Variants in ZMAT4 observed in about 807,000 individuals in gnomAD.
The protein encoded by ZMAT4 is zinc finger matrin-type protein 4.
Under a neutral mutation model 28.7 loss-of-function variants are expected in ZMAT4, and 17 were observed. That is an observed-to-expected ratio of 0.59 (90% CI 0.41 to 0.89). ZMAT4 has a LOEUF of 0.89. Ranked by LOEUF, ZMAT4 falls within the 40% of genes least tolerant of loss-of-function variation. The pLI, the probability that ZMAT4 is intolerant of heterozygous loss-of-function variation, is 0.00. For synonymous variants in ZMAT4, 117 were observed against 109.2 expected, an observed-to-expected ratio of 1.07 and a Z score of -0.44; for missense variants, 240 against 283.8, an observed-to-expected ratio of 0.85 and a Z score of 1.11.
chr8:40,581,523 C>T (rs1804464619), intron 5 of ZMAT4, among the ~76,000 whole-genome samples: 1 of 152,106 alleles, frequency 6.6e-6, no homozygotes, highest in Non-Finnish European at 1.5e-5. Flanking sequence ...GTAAGGTGTT[C>T]CTGGGCATTT....
intron 5 of ZMAT4, among the ~76,000 whole-genome samples, chr8:40,629,406 T>TA (rs71224839): frequency 2.0e-5 from 3 of 151,870 alleles, no homozygotes; most frequent in African/African-American, 4.8e-5. Flanking sequence ...GTTTTTTTTT[T>TA]AATTTTATTA....
intron 3 of ZMAT4, among the ~76,000 whole-genome samples, chr8:40,697,874 G>A (rs936273064): frequency 1.6e-4 from 24 of 152,060 alleles, no homozygotes; most frequent in East Asian, 7.7e-4. Context: ...AAATAAAAAC[G>A]GGGCCCACAA....
Position 40,609,285 on chromosome 8 carries a change from T to C in ZMAT4, c.578-28024A>G, listed in dbSNP as rs558364110. ...AGTATGGGAAAAAGTCTCTGAATGA[T>C]TACTCTTGATGTCTGTACTTGTGTC... On this transcript the variant is annotated intron_variant, in intron 5 of 6. Transcript: ENST00000297737. Among the ~76,000 whole-genome samples the C allele has an allele frequency of 2.6e-5, 4 of 152,340 alleles. No individual in the cohort carries two copies. The South Asian group carries it at 8.3e-4, about 32-fold the overall frequency.
intron 3 of ZMAT4, among the ~76,000 whole-genome samples, chr8:40,746,272 C>T (rs1220880652): frequency 1.0e-4 from 9 of 90,364 alleles, no homozygotes; most frequent in Non-Finnish European, 1.4e-4. Context: ...TCCCTTCCTT[C>T]CTTTCTTTCT....
At position 40,754,691 on chromosome 8, in the gene ZMAT4, G is replaced by A. The variant is rs150333501; in HGVS notation, c.192+12950C>T. Among the ~76,000 whole-genome samples the A allele has an allele frequency of 9.9e-5, 15 of 151,988 alleles. No homozygotes were observed. The East Asian group carries it at 2.5e-3, about 26-fold the overall frequency. On this transcript the variant is annotated intron_variant, in intron 3 of 6. Transcript: ENST00000297737. ...TGTCCTAGAAGACTCAGGAATTTGG[G>A]TTACCATAATTTGGCTTGGAGGACA...
At chr8:40,736,659 C>A (rs1361510642) in intron 3 of ZMAT4, among the ~76,000 whole-genome samples, 1 of 152,146 alleles carries the variant, frequency 6.6e-6, no homozygotes, top group Non-Finnish European at 1.5e-5. Context: ...GGGAGGCAGT[C>A]CACAAGAATA....
intron 4 of ZMAT4, among the ~76,000 whole-genome samples, chr8:40,681,435 C>A (rs956807665): frequency 6.6e-6 from 1 of 152,152 alleles, no homozygotes; most frequent in Non-Finnish European, 1.5e-5. Context: ...CAGCAAATAT[C>A]ACTGTTTTTT....
chr8:40,580,498 A>T (rs1487824314), intron 6 of ZMAT4, among the ~76,000 whole-genome samples: 1 of 152,198 alleles, frequency 6.6e-6, no homozygotes, highest in Non-Finnish European at 1.5e-5. Context: ...ACTTTTTGAG[A>T]CATTCTTTGC....
At chr8:40,649,824 T>C (rs919925945) in intron 5 of ZMAT4, among the ~76,000 whole-genome samples, 8 of 152,000 alleles carry the variant, frequency 5.3e-5, no homozygotes, top group Non-Finnish European at 5.9e-5. Flanking sequence ...CCTGAATGAC[T>C]ACTGGGTACA....
chr8:40,811,544 G>A (rs1378272645), intron 2 of ZMAT4, among the ~76,000 whole-genome samples: 2 of 152,158 alleles, frequency 1.3e-5, no homozygotes, highest in East Asian at 3.9e-4. Context: ...AGTCACTTTT[G>A]TCTCCACACG....
In ZMAT4 at chr8:40,827,016, T is replaced by C. The variant is rs555701524; in HGVS notation, c.-4-1336A>G. Among the ~76,000 whole-genome samples, 240 of 152,320 alleles carry C rather than the reference T, an allele frequency of 1.6e-3. 4 individuals carry two copies. Among genetic ancestry groups the C allele is most frequent in the South Asian group, 0.012 (60 of 4,822 alleles). On this transcript the variant is annotated intron_variant, in intron 1 of 6. Transcript: ENST00000297737. ...AGAATCTCAGACAACAGCAATATGG[T>C]AGGCACTTTGGACTTTATCTTATTT...
At chr8:40,606,826 T>G (rs1021980494) in intron 5 of ZMAT4, among the ~76,000 whole-genome samples, 2 of 152,216 alleles carry the variant, frequency 1.3e-5, no homozygotes, top group Non-Finnish European at 2.9e-5. Context: ...CTCTTCTTCA[T>G]AGGGAACACC....
At chr8:40,808,575 C>CAA (rs745844578) in intron 2 of ZMAT4, 217 of 405,108 alleles carry the variant, frequency 5.4e-4, no homozygotes, top group Admixed American at 1.0e-3. Flanking sequence ...CACCACACTG[C>CAA]AAAAAAAAAA....
chr8:40,603,612 TTTTG>T (rs761802727), intron 5 of ZMAT4, among the ~76,000 whole-genome samples: 62 of 152,056 alleles, frequency 4.1e-4, no homozygotes, highest in African/African-American at 1.3e-3. Flanking sequence ...TTCAGCAGTG[TTTTG>T]TTTGTTTATT....
At chr8:40,589,973 CT>C (rs1404850206) in intron 5 of ZMAT4, among the ~76,000 whole-genome samples, 4,982 of 66,818 alleles carry the variant, frequency 0.075, 463 homozygotes, top group Non-Finnish European at 0.11. Flanking sequence ...CCCTCCCTCC[CT>C]TCCTTCCTTC....
At chr8:40,619,280 C>T (rs1000809886) in intron 5 of ZMAT4, among the ~76,000 whole-genome samples, 2 of 152,168 alleles carry the variant, frequency 1.3e-5, no homozygotes, top group Non-Finnish European at 2.9e-5. Flanking sequence ...CCAACAGGAT[C>T]AGCCTCTTTT....
chr8:40,807,809 T>C (rs558722155), intron 2 of ZMAT4, among the ~76,000 whole-genome samples: 14 of 152,370 alleles, frequency 9.2e-5, no homozygotes, highest in African/African-American at 2.9e-4. Context: ...GATTAGTCCA[T>C]AATTAGCATC....
At chr8:40,893,399 G>A (rs972418336) in intron 1 of ZMAT4, among the ~76,000 whole-genome samples, 1 of 152,156 alleles carries the variant, frequency 6.6e-6, no homozygotes, top group Non-Finnish European at 1.5e-5. Flanking sequence ...TATATCTAAG[G>A]GGACTAAAAG....
At chr8:40,886,600 T>C (rs1213427123) in intron 1 of ZMAT4, among the ~76,000 whole-genome samples, 1 of 152,222 alleles carries the variant, frequency 6.6e-6, no homozygotes, top group Non-Finnish European at 1.5e-5. Flanking sequence ...TCTTTCTTTC[T>C]GGTTTGTGTC....
Sources: gnomAD v4.1 joint callset for allele counts (sites outside exome capture counted in the v4.1 genomes callset) on GRCh38, gnomAD v4.1.1 for gene constraint, MANE v1.5 for transcripts, NCBI Gene and HGNC (gene_info 2026-07-23, HGNC 2026-07-21) for gene names.